The following FIRRM variants were observed in gnomAD, a reference collection of about 807,000 sequenced individuals.
FIRRM encodes FIGNL1 interacting regulator of recombination and mitosis.
the FIRRM span, among the ~76,000 whole-genome samples, chr1:169,823,942 T>A: frequency 1.3e-5 from 2 of 152,304 alleles, no homozygotes; most frequent in Non-Finnish European, 2.9e-5. Flanking sequence ...AAAATTTAGA[T>A]GGGGGCTAAG....
the FIRRM span, among the ~76,000 whole-genome samples, chr1:169,833,281 A>G: frequency 6.6e-6 from 1 of 152,128 alleles, no homozygotes; most frequent in Non-Finnish European, 1.5e-5. Context: ...ATGGGTGGGT[A>G]TGGAGGCATG....
At chr1:169,836,710 C>T in the FIRRM span, among the ~76,000 whole-genome samples, 3 of 152,078 alleles carry the variant, frequency 2.0e-5, no homozygotes, top group Non-Finnish European at 2.9e-5. Flanking sequence ...TTGTGCTCCA[C>T]TTAAGCTGTG....
chr1:169,804,222 A>G, the FIRRM span: 3 of 1,561,122 alleles, frequency 1.9e-6, no homozygotes, highest in Non-Finnish European at 2.6e-6. Flanking sequence ...CAATGATGAT[A>G]TTTTGAATAT....
the FIRRM span, among the ~76,000 whole-genome samples, chr1:169,845,581 T>C: frequency 6.6e-6 from 1 of 152,266 alleles, no homozygotes; most frequent in East Asian, 1.9e-4. Context: ...TGTAATACTC[T>C]AAATTCTTTG....
the FIRRM span, chr1:169,795,222 C>A: frequency 6.5e-7 from 1 of 1,535,208 alleles, no homozygotes; most frequent in African/African-American, 1.4e-5. Flanking sequence ...TCATATCCTT[C>A]CTTGGTTGTC....
chr1:169,815,710 C>T, the FIRRM span, among the ~76,000 whole-genome samples: 1 of 152,192 alleles, frequency 6.6e-6, no homozygotes, highest in Non-Finnish European at 1.5e-5. Flanking sequence ...CCTCCTATCT[C>T]ATCCTGTGAC....
chr1:169,853,164 A>G, the FIRRM span: 2 of 653,316 alleles, frequency 3.1e-6, no homozygotes, highest in Non-Finnish European at 5.3e-6. Context: ...ACTTTGGTAC[A>G]ATGTACTACA....
the FIRRM span, among the ~76,000 whole-genome samples, chr1:169,842,189 AG>A: frequency 1.3e-5 from 2 of 151,906 alleles, no homozygotes; most frequent in Non-Finnish European, 2.9e-5. Flanking sequence ...AAAAAAAAAA[AG>A]TTTATTTAGA....
At chr1:169,810,834 A>AT in the FIRRM span, among the ~76,000 whole-genome samples, 2,337 of 61,166 alleles carry the variant, frequency 0.038, 800 homozygotes, top group Non-Finnish European at 0.045. Context: ...TTAGCCCCCA[A>AT]TTTTTTTTTT....
chr1:169,835,999 T>C, the FIRRM span, among the ~76,000 whole-genome samples: 1 of 151,582 alleles, frequency 6.6e-6, no homozygotes, highest in Admixed American at 6.6e-5. Context: ...ACAAAAGAAA[T>C]AAAATTGAAA....
At chr1:169,830,782 TC>T in the FIRRM span, 1 of 1,550,474 alleles carries the variant, frequency 6.4e-7, no homozygotes, top group Non-Finnish European at 8.9e-7. Context: ...ACACCCACTT[TC>T]TATGCACTTC....
At chr1:169,793,524 C>G in the FIRRM span, 1 of 1,614,164 alleles carries the variant, frequency 6.2e-7, no homozygotes, top group Admixed American at 1.7e-5. Flanking sequence ...CACAAGTGAT[C>G]CTGAGGCAAG....
At chr1:169,850,407 G>T in the FIRRM span, 9 of 1,122,988 alleles carry the variant, frequency 8.0e-6, no homozygotes, top group African/African-American at 4.7e-5. Context: ...CCGAAATTAT[G>T]TAACTGTAAC....
the FIRRM span, among the ~76,000 whole-genome samples, chr1:169,791,352 T>C: frequency 1.3e-5 from 2 of 152,254 alleles, no homozygotes; most frequent in Non-Finnish European, 2.9e-5. Context: ...ACTAGGAATA[T>C]GCTTTTTAAT....
chr1:169,847,140 C>T, the FIRRM span, among the ~76,000 whole-genome samples: 2 of 151,882 alleles, frequency 1.3e-5, no homozygotes, highest in Non-Finnish European at 2.9e-5. Flanking sequence ...TGCTCCAAAA[C>T]AATGACAATA....
At chr1:169,834,919 G>T in the FIRRM span, among the ~76,000 whole-genome samples, 1 of 152,152 alleles carries the variant, frequency 6.6e-6, no homozygotes, top group Non-Finnish European at 1.5e-5. Context: ...ATCAAATGTT[G>T]TTGGGTGTTT....
the FIRRM span, among the ~76,000 whole-genome samples, chr1:169,794,238 C>T: frequency 1.3e-5 from 2 of 152,222 alleles, no homozygotes; most frequent in Non-Finnish European, 2.9e-5. Context: ...TTGTGTCCAA[C>T]CATATTCACC....
At chr1:169,792,742 A>C in the FIRRM span, 1 of 1,613,888 alleles carries the variant, frequency 6.2e-7, no homozygotes, top group Non-Finnish European at 8.5e-7. Flanking sequence ...CCAAAAGTAC[A>C]CGTCCATTTT....
the FIRRM span, among the ~76,000 whole-genome samples, chr1:169,817,868 A>G: frequency 1.3e-5 from 2 of 152,196 alleles, no homozygotes; most frequent in African/African-American, 4.8e-5. Flanking sequence ...CTCTCAGGAA[A>G]TCCTGTTGTG....
Sources: allele counts gnomAD v4.1 joint callset (sites outside exome capture counted in the v4.1 genomes callset), GRCh38; gene constraint gnomAD v4.1.1; transcripts MANE v1.5; gene names NCBI Gene and HGNC (gene_info 2026-07-23, HGNC 2026-07-21).